Variants in ADGB observed in about 807,000 individuals in gnomAD.
ADGB encodes androglobin.
ADGB carries 172 observed loss-of-function variants against 210.5 expected under a neutral mutation model. The observed-to-expected ratio is 0.82, with a 90% CI of 0.72 to 0.93. ADGB has a LOEUF of 0.93. Among genes scored for constraint, ADGB ranks in the 40% least tolerant of loss-of-function variants. ADGB has a pLI of 0.00. For missense variants in ADGB, 2,025 were observed against 1,964.8 expected (o/e 1.03, Z -0.58); for synonymous variants, 658 against 662.7 (o/e 0.99, Z 0.11).
intron 26 of ADGB, among the ~76,000 whole-genome samples, chr6:146,748,464 G>A (rs1447114336): frequency 6.6e-6 from 1 of 152,158 alleles, no homozygotes; most frequent in Non-Finnish European, 1.5e-5. Flanking sequence ...AACCTGTTTC[G>A]TGACTTTCTC....
chr6:146,628,740 G>C (rs1189109094), intron 1 of ADGB, among the ~76,000 whole-genome samples: 3 of 151,876 alleles, frequency 2.0e-5, no homozygotes, highest in Non-Finnish European at 4.4e-5. Flanking sequence ...AGGCATGTCA[G>C]ATGCTATTTT....
At chr6:146,797,730 A>G (rs1435531268) in intron 33 of ADGB, among the ~76,000 whole-genome samples, 1 of 152,186 alleles carries the variant, frequency 6.6e-6, no homozygotes, top group South Asian at 2.1e-4. Flanking sequence ...ACACAAAGGC[A>G]TAAGAATGAT....
chr6:146,655,488 A>G (rs1012004364), intron 4 of ADGB, among the ~76,000 whole-genome samples: 2 of 152,126 alleles, frequency 1.3e-5, no homozygotes, highest in Admixed American at 6.6e-5. Flanking sequence ...CCACTCCTCT[A>G]TGTTAATTAA....
chr6:146,806,852 C>T (rs369040338), intron 35 of ADGB, among the ~76,000 whole-genome samples: 14 of 152,202 alleles, frequency 9.2e-5, no homozygotes, highest in African/African-American at 2.2e-4. Context: ...AGGAGGAGAG[C>T]GTGCGGTTAA....
chr6:146,694,793 G>A (rs1776382153), intron 12 of ADGB, among the ~76,000 whole-genome samples: 1 of 152,052 alleles, frequency 6.6e-6, no homozygotes, highest in Non-Finnish European at 1.5e-5. Flanking sequence ...TTATTTTCCA[G>A]TCCCACTGGA....
Position 146,726,106 on chromosome 6 carries a change from C to T in ADGB, c.2261C>T (p.Ala754Val). 1 of 1,544,356 alleles carries T rather than the reference C, an allele frequency of 6.5e-7. No homozygotes were observed. Among genetic ancestry groups the T allele is most frequent in the Non-Finnish European group, 8.8e-7 (1 of 1,140,830 alleles). ...AGGAGACACATGCTACTCTTCAACG[C>T]ATACTCCCCAGTAGGACACTCCATA... ...PVGRHMLLFN[A>V]YSPVGHSIHI... The change falls in exon 19 of 36, where the codon GCA becomes GTA. Residue 754 changes from alanine to valine, a missense_variant. Transcript: ENST00000397944.
chr6:146,794,745 A>T (rs11965571), intron 33 of ADGB, among the ~76,000 whole-genome samples: 13,360 of 152,172 alleles, frequency 0.088, 905 homozygotes, highest in African/African-American at 0.19. Context: ...TGTTTCAGAA[A>T]CCTAAAAATC....
intron 12 of ADGB, among the ~76,000 whole-genome samples, chr6:146,694,338 G>A (rs1776376317): frequency 6.6e-6 from 1 of 152,146 alleles, no homozygotes; most frequent in South Asian, 2.1e-4. Context: ...GCAAGGGTCT[G>A]CTTCCTCATG....
chr6:146,728,051 G>A (rs751009440), intron 19 of ADGB, among the ~76,000 whole-genome samples: 2 of 152,044 alleles, frequency 1.3e-5, no homozygotes, highest in Non-Finnish European at 1.5e-5. Flanking sequence ...ACCACCCACC[G>A]TACACCAACC....
intron 3 of ADGB, among the ~76,000 whole-genome samples, chr6:146,652,887 T>C (rs866758659): frequency 1.3e-5 from 2 of 152,164 alleles, no homozygotes; most frequent in African/African-American, 4.8e-5. Context: ...TTGATTTAGA[T>C]TTTAAAGCAG....
chr6:146,657,767 G>C (rs1173902965), intron 5 of ADGB, among the ~76,000 whole-genome samples: 1 of 152,204 alleles, frequency 6.6e-6, no homozygotes, highest in Admixed American at 6.5e-5. Flanking sequence ...GATCCCATCA[G>C]TTCTTGGTCC....
At chr6:146,652,058 T>C (rs1340780177) in intron 3 of ADGB, among the ~76,000 whole-genome samples, 1 of 152,144 alleles carries the variant, frequency 6.6e-6, no homozygotes, top group African/African-American at 2.4e-5. Context: ...CCCTTGAGCA[T>C]TGAATGTGTT....
In ADGB at chr6:146,733,107, T is replaced by TAA; in HGVS notation, c.2521-13_2521-12insAA. The stretch of plus-strand genomic sequence containing the variant: ...GGTATTTTCTTGCTATAAAAAAAAT[T>TAA]TATGTGTTTCAGGTTTTTCATCTTT... On this transcript the variant is annotated splice_polypyrimidine_tract_variant and intron_variant, in intron 20 of 35. Transcript: ENST00000397944. 1 of 1,486,458 alleles carries TAA rather than the reference T, an allele frequency of 6.7e-7. No individual in the cohort carries two copies. The highest frequency in any genetic ancestry group is 1.4e-5 in the African/African-American group (1 of 70,388). 92.1% of individuals were successfully genotyped at this position (1,486,458 alleles called of 1,614,324 possible).
Position 146,782,088 on chromosome 6 carries a change from C to T in ADGB, c.3931C>T (p.Gln1311Ter). ...SPDSHTISEGQKSSVTSKTTR... is the reference protein window; with the variant it reads ...SPDSHTISEG ...AGACTCCCACACTATTAGTGAGGGA[C>T]AAAAATCTTCAGTAACTTCCAAAAC... is the stretch of plus-strand genomic sequence containing the variant. The change falls in exon 30 of 36, where the codon CAA (glutamine) becomes TAA (stop). Residue 1311 changes from glutamine (Q) to a stop codon, truncating the protein, a stop_gained. Coordinates refer to ENST00000397944, the MANE Select transcript of ADGB (RefSeq NM_024694.4). LOFTEE classifies it high-confidence loss of function. 5.8e-6 allele frequency: 9 copies of T among 1,547,086 alleles called. No individual in the cohort carries two copies. Among genetic ancestry groups the T allele is most frequent in the South Asian group, 1.2e-5 (1 of 82,844 alleles).
chr6:146,636,067 A>C (rs1775414307), intron 2 of ADGB, among the ~76,000 whole-genome samples: 1 of 152,082 alleles, frequency 6.6e-6, no homozygotes, highest in Admixed American at 6.6e-5. Flanking sequence ...GATTGGTGCC[A>C]AAATGTAGAA....
intron 4 of ADGB, 50 bp downstream of exon 4, chr6:146,654,256 C>A: frequency 7.9e-7 from 1 of 1,271,120 alleles, no homozygotes; most frequent in Non-Finnish European, 1.1e-6. Flanking sequence ...GACTTCCAGT[C>A]CTGCTTAAAC....
intron 26 of ADGB, among the ~76,000 whole-genome samples, chr6:146,751,015 C>T (rs532666602): frequency 7.9e-5 from 12 of 152,008 alleles, no homozygotes; most frequent in Non-Finnish European, 1.5e-4. Flanking sequence ...GCAAGATGTG[C>T]AGGTTTGTTA....
intron 1 of ADGB, among the ~76,000 whole-genome samples, chr6:146,628,240 AT>A (rs1337038491): frequency 2.0e-5 from 3 of 151,622 alleles, no homozygotes; most frequent in African/African-American, 7.3e-5. Flanking sequence ...TTTAAAAATT[AT>A]TTTTTTCTTT....
chr6:146,769,206 G>A (rs1014076106), intron 29 of ADGB, 75 bp downstream of exon 29: 2 of 698,018 alleles, frequency 2.9e-6, no homozygotes, highest in Non-Finnish European at 4.7e-6. Flanking sequence ...ATAATAAATT[G>A]ATTTAGTCAT....
Sources: gnomAD v4.1 joint callset for allele counts (sites outside exome capture counted in the v4.1 genomes callset) on GRCh38, gnomAD v4.1.1 for gene constraint, MANE v1.5 for transcripts, NCBI Gene and HGNC (gene_info 2026-07-23, HGNC 2026-07-21) for gene names.